The following SEMA6A variants were observed in gnomAD, a reference collection of about 807,000 sequenced individuals.
SEMA6A encodes the protein semaphorin-6A.
SEMA6A carries 25 observed loss-of-function variants against 96.8 expected under a neutral mutation model. The ratio of observed to expected loss-of-function variants is 0.26; its 90% CI spans 0.19 to 0.36. SEMA6A has a LOEUF of 0.36. Among genes scored for constraint, SEMA6A ranks in the 10% least tolerant of loss-of-function variants. The pLI is 1.00. For synonymous variants in SEMA6A, 612 were observed against 518.0 expected (o/e 1.18, Z -2.46); for missense variants, 1,363 against 1,323.1 (o/e 1.03, Z -0.47).
At chr5:116,524,785 C>CAG (rs1486101889) in intron 1 of SEMA6A, among the ~76,000 whole-genome samples, 24 of 149,620 alleles carry the variant, frequency 1.6e-4, no homozygotes, top group African/African-American at 4.6e-4. Flanking sequence ...CACACACACA[C>CAG]ACAGACACAC....
At chr5:116,506,280 C>A (rs1318892209) in intron 1 of SEMA6A, among the ~76,000 whole-genome samples, 2 of 152,196 alleles carry the variant, frequency 1.3e-5, no homozygotes, top group Non-Finnish European at 2.9e-5. Flanking sequence ...TTAATCATTT[C>A]TTCAATTGAA....
At chr5:116,563,225 A>G (rs1206031165) in intron 1 of SEMA6A, among the ~76,000 whole-genome samples, 2 of 152,168 alleles carry the variant, frequency 1.3e-5, no homozygotes, top group Non-Finnish European at 2.9e-5. Flanking sequence ...ATCCCATTCA[A>G]TCTTTGGAAG....
In SEMA6A at chr5:116,444,231, C is replaced by T. The variant is rs62384507; in HGVS notation, c.*2382G>A. The T allele has an allele frequency of 6.7e-6, 1 of 148,432 alleles. No individual in the cohort carries two copies. The highest frequency in any genetic ancestry group is 2.1e-4 in the South Asian group (1 of 4,758). 9.2% of individuals were successfully genotyped at this position (148,432 alleles called of 1,614,324 possible). ...GTGAACATGGATTCCATTACAAAAG[C>T]CAAAAAAAAAAAAAGTAAAAACAAC... On this transcript the variant is annotated 3_prime_UTR_variant, in exon 19 of 19. Coordinates refer to ENST00000343348, the MANE Select transcript of SEMA6A (RefSeq NM_020796.5).
At chr5:116,526,013 G>A (rs776406326) in intron 1 of SEMA6A, among the ~76,000 whole-genome samples, 2 of 148,172 alleles carry the variant, frequency 1.3e-5, no homozygotes, top group Non-Finnish European at 3.0e-5. Flanking sequence ...ATATATACCA[G>A]AATTTCAATA....
chr5:116,535,821 G>T (rs1374363603), intron 1 of SEMA6A, among the ~76,000 whole-genome samples: 2 of 152,206 alleles, frequency 1.3e-5, no homozygotes, highest in Admixed American at 1.3e-4. Context: ...CAACAATTCA[G>T]ATTTTCATAT....
intron 11 of SEMA6A, among the ~76,000 whole-genome samples, chr5:116,482,180 A>AT (rs1352142679): frequency 9.2e-5 from 14 of 152,304 alleles, no homozygotes; most frequent in African/African-American, 3.4e-4. Context: ...TTTCCCAACT[A>AT]TAAGCCAGTG....
chr5:116,480,187 G>T lies in SEMA6A; in HGVS notation c.1185C>A (p.His395Gln). Reference protein sequence around the residue: ...PDDTLNFIKTHPLMDEAVPSI... With the variant: ...PDDTLNFIKTQPLMDEAVPSI... ...AGGGCACTGCCTCATCCATGAGCGGGTGCGTCTTGATGAAGTTCAGGGTAT... is the reference window on the plus strand; with the variant it reads ...AGGGCACTGCCTCATCCATGAGCGGTTGCGTCTTGATGAAGTTCAGGGTAT... Residue 395 changes from histidine (H) to glutamine (Q), a missense_variant, in exon 12 of 19, where the codon CAC becomes CAA. By Grantham distance (24) the His-to-Gln change is conservative. Around this residue, in one of 2 missense-constraint regions of SEMA6A, gnomAD observed 480 missense variants for 559.5 expected, o/e 0.86. Coordinates refer to ENST00000343348, the MANE Select transcript of SEMA6A (RefSeq NM_020796.5). 1 of 1,613,858 alleles carries T rather than the reference G, an allele frequency of 6.2e-7. No homozygotes were observed. Among genetic ancestry groups the T allele is most frequent in the Non-Finnish European group, 8.5e-7 (1 of 1,179,804 alleles).
At chr5:116,525,901 G>C (rs758140416) in intron 1 of SEMA6A, among the ~76,000 whole-genome samples, 2 of 152,154 alleles carry the variant, frequency 1.3e-5, no homozygotes, top group Non-Finnish European at 2.9e-5. Context: ...AACTGTTTCA[G>C]GTGCTGTGGC....
chr5:116,504,952 C>A lies in SEMA6A; in HGVS notation c.-8G>T. 6.4e-7 allele frequency: 1 copy of A among 1,570,652 alleles called. No homozygotes were observed. Among genetic ancestry groups the A allele is most frequent in the East Asian group, 2.3e-5 (1 of 43,142 alleles). On this transcript the variant is annotated 5_prime_UTR_variant, in exon 2 of 19. Transcript: ENST00000343348. ...CAAGGCTTCTGACCTCATAGTAGTTCAGCGGGGAGACTTTATTTCTCTACT... is the reference window on the plus strand; with the variant it reads ...CAAGGCTTCTGACCTCATAGTAGTTAAGCGGGGAGACTTTATTTCTCTACT...
intron 18 of SEMA6A, chr5:116,449,501 C>T: frequency 1.7e-6 from 1 of 583,916 alleles, no homozygotes; most frequent in Admixed American, 3.1e-5. Context: ...GTCTTTGTCA[C>T]AGCCGAGACC....
At position 116,491,821 on chromosome 5, in the gene SEMA6A, A is replaced by T; in HGVS notation, c.454T>A (p.Leu152Met). ...CTGAATTCATCCCCGAATGGTTCCAATGTATCCATCTAAATGAAATAATCA... is the reference window on the plus strand; with the variant it reads ...CTGAATTCATCCCCGAATGGTTCCATTGTATCCATCTAAATGAAATAATCA... ...PSCRNYKMDT[L>M]EPFGDEFSGM... Residue 152 changes from leucine (L) to methionine (M), a missense_variant, in exon 7 of 19, where the codon TTG becomes ATG. By Grantham distance (15) the Leu-to-Met change is conservative (BLOSUM62 2). This residue lies in a region of SEMA6A where 480 missense variants were observed against 559.5 expected (regional missense o/e 0.86). Coordinates refer to ENST00000343348, the MANE Select transcript of SEMA6A (RefSeq NM_020796.5). 2 of 1,611,782 alleles carry T rather than the reference A, an allele frequency of 1.2e-6. No homozygotes were observed. Among genetic ancestry groups the T allele is most frequent in the Non-Finnish European group, 1.7e-6 (2 of 1,177,970 alleles).
intron 18 of SEMA6A, 146 bp downstream of exon 18, chr5:116,467,437 G>T: frequency 1.4e-6 from 1 of 719,774 alleles, no homozygotes; most frequent in Non-Finnish European, 2.2e-6. Context: ...AGAGGATGGG[G>T]TTGCAGTCTT....
chr5:116,518,255 A>G (rs1758758678), intron 1 of SEMA6A, among the ~76,000 whole-genome samples: 1 of 152,184 alleles, frequency 6.6e-6, no homozygotes, highest in Admixed American at 6.5e-5. Context: ...TCTTTCTCCC[A>G]AAGTGGACAC....
intron 1 of SEMA6A, among the ~76,000 whole-genome samples, chr5:116,573,728 A>C (rs1456974410): frequency 1.3e-5 from 2 of 152,008 alleles, no homozygotes; most frequent in African/African-American, 4.8e-5. Context: ...CAGCGCTGTT[A>C]TACCCAACCC....
chr5:116,450,683 G>A (rs1051940829), intron 18 of SEMA6A, among the ~76,000 whole-genome samples: 1 of 152,092 alleles, frequency 6.6e-6, no homozygotes, highest in African/African-American at 2.4e-5. Flanking sequence ...CAGGAAAATG[G>A]TATCTCAGAC....
rs1479123822 is a variant in SEMA6A, at chr5:116,447,641, T to C, written c.2065A>G (p.Lys689Glu). Residue 689 changes from lysine to glutamate, a missense_variant, in exon 19 of 19, where the codon AAG becomes GAG. Lys to Glu is a moderately conservative substitution (Grantham distance 56). Around this residue, in one of 2 missense-constraint regions of SEMA6A, gnomAD observed 883 missense variants for 763.6 expected, o/e 1.16. Coordinates refer to ENST00000343348, the MANE Select transcript of SEMA6A (RefSeq NM_020796.5). The stretch of plus-strand genomic sequence containing the variant: ...CCCCGGCGCGAGTGGGTGAGCTCCT[T>C]CTCCTTGCGCTGCACCACAGCCACG... ...KDVAVVQRKE[K>E]ELTHSRRGSM... 1.2e-6 allele frequency: 2 copies of C among 1,613,852 alleles called. No individual in the cohort carries two copies. The highest frequency in any genetic ancestry group is 1.3e-5 in the African/African-American group (1 of 74,918).
At chr5:116,477,091 T>G (rs893028218) in intron 15 of SEMA6A, among the ~76,000 whole-genome samples, 4 of 152,222 alleles carry the variant, frequency 2.6e-5, no homozygotes, top group Non-Finnish European at 4.4e-5. Flanking sequence ...GAAAGATCTG[T>G]GCTGTCTAAC....
intron 4 of SEMA6A, 71 bp downstream of exon 4, chr5:116,497,256 A>G (rs1273810716): frequency 2.1e-6 from 2 of 934,536 alleles, no homozygotes; most frequent in Non-Finnish European, 3.3e-6. Flanking sequence ...TAATGCACTT[A>G]AAATACATAT....
intron 1 of SEMA6A, among the ~76,000 whole-genome samples, chr5:116,538,783 ACCATCACCTTGTCAC>A (rs1258756325): frequency 1.3e-3 from 192 of 152,250 alleles, no homozygotes; most frequent in African/African-American, 4.3e-3. Flanking sequence ...GTCCTGCTTG[ACCATCACCTTGTCAC>A]CATCACCATC....
Sources: gnomAD v4.1 joint callset for allele counts (sites outside exome capture counted in the v4.1 genomes callset) on GRCh38, gnomAD v4.1.1 for gene constraint, gnomAD v4.1.1 regional missense constraint, MANE v1.5 for transcripts, NCBI Gene and HGNC (gene_info 2026-07-23, HGNC 2026-07-21) for gene names.